Variants in CDH18 observed in about 807,000 individuals in gnomAD.
The protein encoded by CDH18 is cadherin 18, also known as cadherin-18.
In CDH18, 31 loss-of-function variants were observed where a neutral mutation model predicts 67.9. The observed-to-expected ratio is 0.46, with a 90% confidence interval of 0.34 to 0.62. CDH18 has a LOEUF of 0.62. Among genes scored for constraint, CDH18 ranks in the 20% least tolerant of loss-of-function variants. The pLI is 0.01. For synonymous variants in CDH18, 362 were observed against 347.2 expected (o/e 1.04, Z -0.48); for missense variants, 890 against 975.5 (o/e 0.91, Z 1.17).
chr5:20,021,329 A>T (rs926508417), intron 2 of CDH18, among the ~76,000 whole-genome samples: 1 of 151,906 alleles, frequency 6.6e-6, no homozygotes, highest in African/African-American at 2.4e-5. Context: ...GACTTGGGGG[A>T]CTGTTGAGAG....
intron 2 of CDH18, among the ~76,000 whole-genome samples, chr5:19,920,295 A>G (rs1792285763): frequency 6.6e-6 from 1 of 152,204 alleles, no homozygotes; most frequent in African/African-American, 2.4e-5. Context: ...TAAATAATCA[A>G]TAACAGAAAC....
At chr5:20,176,422 T>C (rs754424364) in intron 2 of CDH18, among the ~76,000 whole-genome samples, 2 of 152,182 alleles carry the variant, frequency 1.3e-5, no homozygotes, top group African/African-American at 2.4e-5. Context: ...AAGCTAATTA[T>C]TTTTTCTTGA....
At chr5:19,897,314 A>G (rs567091442) in intron 2 of CDH18, among the ~76,000 whole-genome samples, 2 of 152,168 alleles carry the variant, frequency 1.3e-5, no homozygotes, top group African/African-American at 4.8e-5. Flanking sequence ...GTTGCTAAAC[A>G]TATAAAACAA....
chr5:19,786,844 G>T (rs187784081), intron 3 of CDH18, among the ~76,000 whole-genome samples: 1 of 152,096 alleles, frequency 6.6e-6, no homozygotes, highest in Non-Finnish European at 1.5e-5. Flanking sequence ...AGGCATGGCT[G>T]GGGGGGTGTT....
chr5:20,118,124 A>T (rs1748072125), intron 2 of CDH18, among the ~76,000 whole-genome samples: 1 of 152,206 alleles, frequency 6.6e-6, no homozygotes, highest in African/African-American at 2.4e-5. Context: ...AAAAGGTGGT[A>T]TATCAGCAAG....
chr5:19,583,077 C>A (rs1743533241), intron 7 of CDH18, among the ~76,000 whole-genome samples: 1 of 151,818 alleles, frequency 6.6e-6, no homozygotes, highest in Non-Finnish European at 1.5e-5. Context: ...ATATTTTACC[C>A]ATGGTGGGGT....
intron 1 of CDH18, among the ~76,000 whole-genome samples, chr5:20,471,403 T>A (rs1752059581): frequency 6.6e-6 from 1 of 152,152 alleles, no homozygotes; most frequent in Non-Finnish European, 1.5e-5. Context: ...TCATCATAAA[T>A]CATGGTAATC....
At chr5:20,203,746 C>T (rs891117005) in intron 2 of CDH18, among the ~76,000 whole-genome samples, 6 of 151,012 alleles carry the variant, frequency 4.0e-5, no homozygotes, top group Non-Finnish European at 2.9e-5. Flanking sequence ...CAATAGAGAA[C>T]CACGACCTCC....
intron 1 of CDH18, among the ~76,000 whole-genome samples, chr5:20,401,414 G>C (rs1171688096): frequency 1.3e-5 from 2 of 152,104 alleles, no homozygotes; most frequent in Admixed American, 6.5e-5. Flanking sequence ...TACAAATGTT[G>C]AGTTTCCAAC....
At chr5:20,163,466 G>C (rs549424082) in intron 2 of CDH18, among the ~76,000 whole-genome samples, 2 of 152,062 alleles carry the variant, frequency 1.3e-5, no homozygotes, top group Admixed American at 6.6e-5. Context: ...GAAGAAAATG[G>C]ATTATTCTTA....
intron 2 of CDH18, among the ~76,000 whole-genome samples, chr5:19,884,032 G>A (rs1316525632): frequency 6.6e-6 from 1 of 152,096 alleles, no homozygotes; most frequent in Non-Finnish European, 1.5e-5. Flanking sequence ...GTGCAGTAAA[G>A]CATGGGTTGT....
upstream of CDH18, among the ~76,000 whole-genome samples, chr5:19,992,754 GA>G (rs11484023): frequency 1.1e-4 from 16 of 148,970 alleles, no homozygotes; most frequent in Middle Eastern, 3.4e-3. Flanking sequence ...ACTGGAAATA[GA>G]AAAAAAAAAG....
At chr5:20,084,549 G>A (rs1244070084) in intron 2 of CDH18, among the ~76,000 whole-genome samples, 1 of 152,136 alleles carries the variant, frequency 6.6e-6, no homozygotes, top group Non-Finnish European at 1.5e-5. Context: ...AACTCTGTGT[G>A]GGGACTCTGA....
intron 3 of CDH18, among the ~76,000 whole-genome samples, chr5:19,818,076 G>A (rs961442829): frequency 2.0e-5 from 3 of 152,082 alleles, no homozygotes; most frequent in Non-Finnish European, 4.4e-5. Flanking sequence ...AACAGACAGT[G>A]GGCTAGCTTT....
intron 1 of CDH18, among the ~76,000 whole-genome samples, chr5:20,284,632 T>C (rs1746544474): frequency 6.6e-6 from 1 of 151,962 alleles, no homozygotes; most frequent in Non-Finnish European, 1.5e-5. Context: ...ATCCTGCACC[T>C]AAAACACTTA....
intron 1 of CDH18, among the ~76,000 whole-genome samples, chr5:20,347,415 C>A (rs1264187863): frequency 1.3e-5 from 2 of 152,164 alleles, no homozygotes; most frequent in Non-Finnish European, 2.9e-5. Context: ...AGGGTCACTA[C>A]TCCAGAATGG....
chr5:20,256,217 T>C (rs1744224406), intron 1 of CDH18, among the ~76,000 whole-genome samples: 2 of 152,010 alleles, frequency 1.3e-5, no homozygotes, highest in African/African-American at 4.8e-5. Context: ...AGTGTTAACA[T>C]TGGAAAGTCA....
chr5:20,159,895 C>T (rs1172676217), intron 2 of CDH18, among the ~76,000 whole-genome samples: 1 of 152,100 alleles, frequency 6.6e-6, no homozygotes, highest in Non-Finnish European at 1.5e-5. Flanking sequence ...CATAAAGCAG[C>T]TACATTTCTT....
intron 2 of CDH18, among the ~76,000 whole-genome samples, chr5:20,171,326 C>A (rs964120954): frequency 6.6e-6 from 1 of 152,096 alleles, no homozygotes; most frequent in Non-Finnish European, 1.5e-5. Context: ...AATTTACACT[C>A]CTACCAAAAG....
Sources: allele counts gnomAD v4.1 joint callset (sites outside exome capture counted in the v4.1 genomes callset), GRCh38; gene constraint gnomAD v4.1.1; transcripts MANE v1.5; gene names NCBI Gene and HGNC (gene_info 2026-07-23, HGNC 2026-07-21).